The following SUGCT variants were observed in gnomAD, a reference collection of about 807,000 sequenced individuals.
SUGCT encodes the protein succinyl-CoA:glutarate CoA-transferase.
In SUGCT, 41 loss-of-function variants were observed where a neutral mutation model predicts 55.0. The ratio of observed to expected loss-of-function variants is 0.74; its 90% CI spans 0.58 to 0.97. The LOEUF is 0.97. SUGCT is among the 50% of genes least tolerant of loss of function. The pLI, the probability that SUGCT is intolerant of heterozygous loss-of-function variation, is 0.00. For synonymous variants in SUGCT, 187 were observed against 200.4 expected, an observed-to-expected ratio of 0.93 and a Z score of 0.56; for missense variants, 568 against 547.8, an observed-to-expected ratio of 1.04 and a Z score of -0.37.
rs539822771 is a variant in SUGCT, at chr7:40,372,205, A to T, written c.816+55350A>T. ...AGAGTTGAAGAGCTGAAAGATTCAC[A>T]TGGAGATGACCTCTGTGACTTCATC... is the stretch of plus-strand genomic sequence containing the variant. On this transcript the variant is annotated intron_variant, in intron 9 of 13. Transcript: ENST00000335693. Among the ~76,000 whole-genome samples, 3 of 152,120 alleles carry T rather than the reference A, an allele frequency of 2.0e-5. No homozygotes were observed. The East Asian group carries it at 5.8e-4, about 29-fold the overall frequency.
the SUGCT span, among the ~76,000 whole-genome samples, chr7:40,947,795 T>A: frequency 6.6e-6 from 1 of 152,200 alleles, no homozygotes; most frequent in Non-Finnish European, 1.5e-5. Context: ...TTCCCTGCCA[T>A]TGCCAAGAGT....
At chr7:40,982,879 G>T in the SUGCT span, among the ~76,000 whole-genome samples, 2 of 151,998 alleles carry the variant, frequency 1.3e-5, no homozygotes, top group African/African-American at 2.4e-5. Flanking sequence ...AAACTCCAAG[G>T]CTCAAGCAAC....
chr7:40,489,949 C>A (rs1791592578), intron 11 of SUGCT, among the ~76,000 whole-genome samples: 1 of 152,134 alleles, frequency 6.6e-6, no homozygotes, highest in African/African-American at 2.4e-5. Context: ...AGTAATGTTC[C>A]TCAACAGTAA....
chr7:40,190,437 A>G (rs1025223398), intron 5 of SUGCT, among the ~76,000 whole-genome samples: 1 of 152,078 alleles, frequency 6.6e-6, no homozygotes, highest in Admixed American at 6.6e-5. Context: ...TTTAGTAGCA[A>G]TGGGGTTTCA....
chr7:40,620,879 A>T (rs2151791069), intron 12 of SUGCT, among the ~76,000 whole-genome samples: 1 of 152,294 alleles, frequency 6.6e-6, no homozygotes, highest in Non-Finnish European at 1.5e-5. Context: ...AGTAGGGGAA[A>T]CTTCATCTAT....
At chr7:40,994,979 C>A in the SUGCT span, among the ~76,000 whole-genome samples, 59,795 of 152,018 alleles carry the variant, frequency 0.39, 12,019 homozygotes, top group South Asian at 0.45. Flanking sequence ...GCCTGCGGAA[C>A]TGTGAGCCAA....
intron 1 of SUGCT, among the ~76,000 whole-genome samples, chr7:40,138,570 A>G (rs115447979): frequency 0.037 from 5,654 of 152,274 alleles, 341 homozygotes; most frequent in African/African-American, 0.13. Context: ...AGAAATCTCC[A>G]TACTGTTTTC....
At chr7:40,821,293 A>C (rs1217864686) in intron 13 of SUGCT, among the ~76,000 whole-genome samples, 1 of 152,168 alleles carries the variant, frequency 6.6e-6, no homozygotes, top group Admixed American at 6.5e-5. Context: ...ATGAGTAGGG[A>C]GGATTCCCTC....
intron 1 of SUGCT, among the ~76,000 whole-genome samples, chr7:40,173,310 CACAGCGG>C (rs986977141): frequency 6.6e-6 from 1 of 152,254 alleles, no homozygotes. Context: ...GGATCAGAAA[CACAGCGG>C]ACACCCTGCC....
intron 12 of SUGCT, among the ~76,000 whole-genome samples, chr7:40,642,434 T>A (rs1800312074): frequency 6.6e-6 from 1 of 152,018 alleles, no homozygotes. Context: ...GGGCATGAAC[T>A]GAGGGTAAGG....
intron 6 of SUGCT, among the ~76,000 whole-genome samples, chr7:40,206,289 G>A (rs897054100): frequency 6.6e-6 from 1 of 152,124 alleles, no homozygotes; most frequent in East Asian, 1.9e-4. Flanking sequence ...ATGTCAGATA[G>A]TGTTTAGATA....
chr7:40,956,074 T>C, the SUGCT span, among the ~76,000 whole-genome samples: 1 of 152,222 alleles, frequency 6.6e-6, no homozygotes, highest in African/African-American at 2.4e-5. Flanking sequence ...ATCAGGGATA[T>C]TGGCCTGAAA....
At chr7:40,350,324 ATTTAT>A (rs1335004236) in intron 9 of SUGCT, among the ~76,000 whole-genome samples, 4 of 121,244 alleles carry the variant, frequency 3.3e-5, no homozygotes, top group African/African-American at 1.2e-4. Flanking sequence ...TTATTTATTT[ATTTAT>A]TTTTAAGAGA....
At chr7:40,328,660 A>T (rs578256643) in intron 9 of SUGCT, among the ~76,000 whole-genome samples, 15 of 152,194 alleles carry the variant, frequency 9.9e-5, no homozygotes, top group African/African-American at 3.6e-4. Context: ...CTTGTCCTAG[A>T]TCGATCATCT....
At chr7:40,505,406 T>C (rs2151539170) in intron 12 of SUGCT, among the ~76,000 whole-genome samples, 1 of 152,288 alleles carries the variant, frequency 6.6e-6, no homozygotes. Context: ...ATGTTTTCTA[T>C]GTGTCTTATG....
chr7:40,681,475 C>T (rs185330594), intron 12 of SUGCT, among the ~76,000 whole-genome samples: 46 of 152,164 alleles, frequency 3.0e-4, no homozygotes, highest in Middle Eastern at 6.8e-3. Context: ...CCACTTTCTC[C>T]GTACAGTAAG....
In SUGCT at chr7:40,313,649, G is replaced by GT. The variant is rs1296488296; in HGVS notation, c.721-3103dup. On this transcript the variant is annotated intron_variant, in intron 8 of 13. Transcript: ENST00000335693. Reference sequence around the variant, plus strand: ...TTTGTTTGTTTTTGTTTTTGTTTTTGTTTTTTTTGAGACTCTGTTGCTGAG... The same window carrying GT: ...TTTGTTTGTTTTTGTTTTTGTTTTTGTTTTTTTTTGAGACTCTGTTGCTGAG... 1.9e-4 allele frequency among the ~76,000 whole-genome samples: 29 copies of GT among 149,682 alleles called. No homozygotes were observed. The South Asian group carries it at 4.6e-3, about 24-fold the overall frequency.
the SUGCT span, among the ~76,000 whole-genome samples, chr7:40,893,413 C>A: frequency 6.6e-6 from 1 of 152,118 alleles, no homozygotes; most frequent in African/African-American, 2.4e-5. Context: ...GAACATTCTT[C>A]TGGATAAATC....
At chr7:40,730,401 C>T (rs1030923394) in intron 12 of SUGCT, among the ~76,000 whole-genome samples, 1 of 152,072 alleles carries the variant, frequency 6.6e-6, no homozygotes, top group African/African-American at 2.4e-5. Flanking sequence ...GCCACCATGC[C>T]CAGTCTATTT....
Sources: allele counts gnomAD v4.1 joint callset (sites outside exome capture counted in the v4.1 genomes callset), GRCh38; gene constraint gnomAD v4.1.1; transcripts MANE v1.5; gene names NCBI Gene and HGNC (gene_info 2026-07-23, HGNC 2026-07-21).